Variants in PKIB observed in about 807,000 individuals in gnomAD.
PKIB encodes the protein PKI-beta.
A neutral mutation model predicts 4.5 loss-of-function variants in PKIB; 2 were observed. The observed-to-expected ratio is 0.44, with a 90% CI of 0.18 to 1.39. The LOEUF is 1.39. Among genes scored for constraint, PKIB ranks in the 40% most tolerant of loss-of-function variants. PKIB has a pLI of 0.27. For missense variants in PKIB, 94 were observed against 92.6 expected (o/e 1.02, Z -0.06); for synonymous variants, 38 against 36.0 (o/e 1.06, Z -0.20).
At chr6:122,693,042 A>G (rs566587309) in intron 3 of PKIB, among the ~76,000 whole-genome samples, 1 of 152,404 alleles carries the variant, frequency 6.6e-6, no homozygotes, top group South Asian at 2.1e-4. Flanking sequence ...ATTTACATGC[A>G]AGTACATAAA....
intron 2 of PKIB, among the ~76,000 whole-genome samples, chr6:122,528,938 C>T (rs1777175070): frequency 6.6e-6 from 1 of 151,986 alleles, no homozygotes; most frequent in African/African-American, 2.4e-5. Context: ...TCATCTAAAC[C>T]TAATTACCTC....
intron 2 of PKIB, among the ~76,000 whole-genome samples, chr6:122,522,886 A>T (rs1359939167): frequency 1.3e-5 from 2 of 152,170 alleles, no homozygotes; most frequent in Non-Finnish European, 2.9e-5. Flanking sequence ...GCATTTTTAT[A>T]TTATAGAATC....
intron 3 of PKIB, among the ~76,000 whole-genome samples, chr6:122,717,218 A>G (rs922844803): frequency 1.3e-5 from 2 of 152,192 alleles, no homozygotes; most frequent in African/African-American, 2.4e-5. Flanking sequence ...CTACTCTTCA[A>G]CCATTACCAT....
intron 2 of PKIB, chr6:122,481,178 C>T (rs1775599875): frequency 2.0e-5 from 3 of 152,148 alleles, no homozygotes; most frequent in African/African-American, 7.2e-5. Flanking sequence ...TGATGTAATG[C>T]ACTAAGGAGT....
chr6:122,608,242 T>G (rs1476423550), upstream of PKIB, among the ~76,000 whole-genome samples: 1 of 152,196 alleles, frequency 6.6e-6, no homozygotes, highest in African/African-American at 2.4e-5. Context: ...TATTTATTCT[T>G]GTTAACCTTA....
chr6:122,584,853 A>G (rs926928903), intron 2 of PKIB, among the ~76,000 whole-genome samples: 1 of 152,120 alleles, frequency 6.6e-6, no homozygotes, highest in African/African-American at 2.4e-5. Flanking sequence ...CTGGGACACA[A>G]TGGGGACTAG....
chr6:122,690,809 T>C (rs995569870), intron 3 of PKIB, among the ~76,000 whole-genome samples: 1 of 152,038 alleles, frequency 6.6e-6, no homozygotes, highest in Non-Finnish European at 1.5e-5. Flanking sequence ...TTCTTTCTGA[T>C]TGAAGAACTC....
intron 2 of PKIB, among the ~76,000 whole-genome samples, chr6:122,584,279 T>C (rs1200207917): frequency 6.6e-6 from 1 of 152,142 alleles, no homozygotes; most frequent in Non-Finnish European, 1.5e-5. Context: ...GGATTATTTT[T>C]TTCTTATCTC....
rs557008392 is a variant in PKIB, at chr6:122,577,705, C to T, written c.-247-8216C>T. 7.9e-5 allele frequency among the ~76,000 whole-genome samples: 12 copies of T among 151,982 alleles called. No homozygotes were observed. In the East Asian group the frequency reaches 9.7e-4, roughly 12 times the overall value. ...CGGGCAGATCACGAGATCAGGAGAT[C>T]GAGACCATCCTGGCTAACACAGTGA... On this transcript the variant is annotated intron_variant, in intron 2 of 6. Transcript: ENST00000392491.
intron 2 of PKIB, among the ~76,000 whole-genome samples, chr6:122,661,341 T>G (rs1177065539): frequency 6.6e-6 from 1 of 152,314 alleles, no homozygotes; most frequent in East Asian, 1.9e-4. Context: ...ACATTAGTTG[T>G]GACTCCCTAT....
chr6:122,547,197 G>A (rs77164853), intron 2 of PKIB, among the ~76,000 whole-genome samples: 1 of 151,980 alleles, frequency 6.6e-6, no homozygotes, highest in Non-Finnish European at 1.5e-5. Context: ...AAGGTGTCAC[G>A]CCCAGTGTTA....
At chr6:122,709,862 A>G (rs114732175) in intron 3 of PKIB, among the ~76,000 whole-genome samples, 3,167 of 152,260 alleles carry the variant, frequency 0.021, 101 homozygotes, top group African/African-American at 0.074. Context: ...TTTTTGCAGC[A>G]ACTACTGCTC....
intron 2 of PKIB, among the ~76,000 whole-genome samples, chr6:122,571,051 A>C (rs1773352599): frequency 1.0e-5 from 1 of 99,054 alleles, no homozygotes; most frequent in Non-Finnish European, 2.2e-5. Flanking sequence ...ATATCATAAA[A>C]AAAAACAATC....
intron 2 of PKIB, among the ~76,000 whole-genome samples, chr6:122,662,308 C>CTTTATTTTTTTTTT (rs1777030847): frequency 7.5e-5 from 1 of 13,262 alleles, no homozygotes; most frequent in Non-Finnish European, 1.5e-4. Context: ...TCCTTGTCTC[C>CTTTATTTTTTTTTT]TTTTTTTTTT....
At chr6:122,615,159 T>G (rs1774930394) in intron 1 of PKIB, among the ~76,000 whole-genome samples, 1 of 152,100 alleles carries the variant, frequency 6.6e-6, no homozygotes, top group Admixed American at 6.6e-5. Context: ...TTCTGTGTAT[T>G]GTAGTGAAGT....
chr6:122,656,597 C>T (rs1776785475), intron 2 of PKIB, among the ~76,000 whole-genome samples: 1 of 152,126 alleles, frequency 6.6e-6, no homozygotes, highest in Non-Finnish European at 1.5e-5. Flanking sequence ...GAGGCAGGGC[C>T]ATGGAGTTGC....
intron 1 of PKIB, among the ~76,000 whole-genome samples, chr6:122,617,896 A>G (rs913982441): frequency 1.3e-5 from 2 of 152,244 alleles, no homozygotes; most frequent in South Asian, 4.1e-4. Flanking sequence ...GTACATTTGT[A>G]AGGATGTTTT....
intron 2 of PKIB, among the ~76,000 whole-genome samples, chr6:122,547,037 A>G (rs1772517847): frequency 6.6e-6 from 1 of 152,148 alleles, no homozygotes; most frequent in Non-Finnish European, 1.5e-5. Flanking sequence ...AGACTAGTGA[A>G]TAACAAAGTC....
At chr6:122,521,457 G>A (rs1022813394) in intron 2 of PKIB, among the ~76,000 whole-genome samples, 3 of 152,054 alleles carry the variant, frequency 2.0e-5, no homozygotes, top group Non-Finnish European at 4.4e-5. Context: ...GAGGCAGGCA[G>A]ATCACGAGGT....
Sources: allele counts gnomAD v4.1 joint callset (sites outside exome capture counted in the v4.1 genomes callset), GRCh38; gene constraint gnomAD v4.1.1; transcripts MANE v1.5; gene names NCBI Gene and HGNC (gene_info 2026-07-23, HGNC 2026-07-21).